Variants in GTF2I observed in about 807,000 individuals in gnomAD.
GTF2I encodes general transcription factor IIi.
In GTF2I, 12 loss-of-function variants were observed where a neutral mutation model predicts 67.6. The ratio of observed to expected loss-of-function variants is 0.18; its 90% CI spans 0.11 to 0.29. The LOEUF (loss-of-function observed/expected upper bound fraction) is 0.29, where lower values mean the gene tolerates loss of function less well. GTF2I is among the 10% of genes least tolerant of loss of function. The pLI is 1.00. For missense variants in GTF2I, 271 were observed against 580.1 expected (o/e 0.47, Z 5.47); for synonymous variants, 149 against 197.0 (o/e 0.76, Z 2.04).
chr7:74,685,287 C>G (rs1034767901), intron 1 of GTF2I, among the ~76,000 whole-genome samples: 1 of 152,144 alleles, frequency 6.6e-6, no homozygotes, highest in African/African-American at 2.4e-5. Context: ...CTTGAGGTCA[C>G]GAGTTCCAGA....
chr7:74,679,363 G>A (rs587723403), intron 1 of GTF2I, among the ~76,000 whole-genome samples: 10 of 151,580 alleles, frequency 6.6e-5, no homozygotes, highest in Admixed American at 3.3e-4. Flanking sequence ...GGCGTGAGCC[G>A]CTGCCATATT....
At chr7:74,684,024 T>C (rs1787484406) in intron 1 of GTF2I, among the ~76,000 whole-genome samples, 1 of 152,078 alleles carries the variant, frequency 6.6e-6, no homozygotes, top group Non-Finnish European at 1.5e-5. Flanking sequence ...GGTCATATCC[T>C]TGTGATTTGT....
In GTF2I at chr7:74,691,061, G is replaced by A. The variant is rs781967568; in HGVS notation, c.188G>A (p.Arg63His). The stretch of plus-strand genomic sequence containing the variant: ...TTTGTCGTCGGAACTGAAAGAGGAC[G>A]TGCTTTTGTCAATACCAGAAAGGAT... ...DVFVVGTERG[R>H]AFVNTRKDFQ... The change falls in exon 3 of 35, where the codon CGT (arginine) becomes CAT (histidine). Residue 63 changes from arginine to histidine, a missense_variant. Physicochemically the swap from Arg to His is conservative, Grantham distance 29. This residue lies in a region of GTF2I where 72 missense variants were observed against 87.4 expected (regional missense o/e 0.82). Coordinates refer to ENST00000573035, the MANE Select transcript of GTF2I (RefSeq NM_032999.4). 3 of 1,612,134 alleles carry A rather than the reference G, an allele frequency of 1.9e-6. No homozygotes were observed. The highest frequency in any genetic ancestry group is 1.1e-5 in the South Asian group (1 of 90,926).
chr7:74,664,682 C>G (rs113102123), intron 1 of GTF2I, among the ~76,000 whole-genome samples: 13 of 152,200 alleles, frequency 8.5e-5, no homozygotes, highest in African/African-American at 3.1e-4. Flanking sequence ...ATCCACCTGC[C>G]TCAGCCTCCC....
At chr7:74,680,099 A>AAAAAAAAAAAAAAAATATATAT in intron 1 of GTF2I, among the ~76,000 whole-genome samples, 1 of 94,998 alleles carries the variant, frequency 1.1e-5, no homozygotes, top group African/African-American at 4.0e-5. Flanking sequence ...AAAAAAAAAA[A>AAAAAAAAAAAAAAAATATATAT]ATATATATAT....
intron 11 of GTF2I, among the ~76,000 whole-genome samples, chr7:74,718,535 A>G (rs1792542851): frequency 6.6e-6 from 1 of 152,252 alleles, no homozygotes; most frequent in Non-Finnish European, 1.5e-5. Context: ...TAACCAAAGT[A>G]GAAAGCATTT....
At chr7:74,687,034 T>C (rs1320435484) in intron 1 of GTF2I, among the ~76,000 whole-genome samples, 2 of 151,802 alleles carry the variant, frequency 1.3e-5, no homozygotes, top group East Asian at 3.9e-4. Context: ...GAATTACAGA[T>C]GGTACACCAC....
chr7:74,734,485 G>A (rs587763428), intron 16 of GTF2I, among the ~76,000 whole-genome samples: 91 of 151,878 alleles, frequency 6.0e-4, no homozygotes, highest in African/African-American at 2.1e-3. Flanking sequence ...GCAGTGGTGC[G>A]ATCTCCGCTC....
At chr7:74,675,562 G>T (rs1006938705) in intron 1 of GTF2I, among the ~76,000 whole-genome samples, 35 of 151,906 alleles carry the variant, frequency 2.3e-4, no homozygotes, top group African/African-American at 8.0e-4. Flanking sequence ...TTTTTTGGGG[G>T]GGGCAGAAGG....
At chr7:74,676,040 A>G (rs1554392276) in intron 1 of GTF2I, among the ~76,000 whole-genome samples, 1 of 151,954 alleles carries the variant, frequency 6.6e-6, no homozygotes, top group South Asian at 2.1e-4. Context: ...AAACCAAATA[A>G]AAAGACAGAG....
At position 74,707,127 on chromosome 7, in the gene GTF2I, G is replaced by T. The variant is rs1790830097; in HGVS notation, c.685+694G>T. ...AGCCTTCCAAAGTCCTAGGATTACA[G>T]GCATAAGCCACCGTGCCCGGCCCCC... On this transcript the variant is annotated intron_variant, in intron 8 of 34. Coordinates refer to ENST00000573035, the MANE Select transcript of GTF2I (RefSeq NM_032999.4). Among the ~76,000 whole-genome samples the T allele has an allele frequency of 2.0e-5, 3 of 152,358 alleles. No individual in the cohort carries two copies. In the South Asian group the frequency reaches 6.2e-4, roughly 32 times the overall value.
intron 1 of GTF2I, among the ~76,000 whole-genome samples, chr7:74,685,928 C>T (rs764580141): frequency 6.6e-6 from 1 of 152,136 alleles, no homozygotes; most frequent in African/African-American, 2.4e-5. Context: ...TGGCGGGCGC[C>T]TGTAGTCCCA....
intron 1 of GTF2I, among the ~76,000 whole-genome samples, chr7:74,680,099 A>AAAAAAAAAAAAAAAATAT: frequency 1.1e-5 from 1 of 94,986 alleles, no homozygotes; most frequent in Non-Finnish European, 2.1e-5. Context: ...AAAAAAAAAA[A>AAAAAAAAAAAAAAAATAT]ATATATATAT....
intron 1 of GTF2I, among the ~76,000 whole-genome samples, chr7:74,665,180 G>A (rs181310475): frequency 5.9e-5 from 9 of 151,996 alleles, no homozygotes; most frequent in Non-Finnish European, 1.2e-4. Flanking sequence ...GACCTCAGGT[G>A]ATCCACCCGC....
chr7:74,675,577 T>C (rs373813980), intron 1 of GTF2I, among the ~76,000 whole-genome samples: 15 of 152,136 alleles, frequency 9.9e-5, no homozygotes, highest in African/African-American at 3.6e-4. Context: ...AGAAGGTCAG[T>C]TCATAGACTT....
chr7:74,661,002 T>C (rs894118373), intron 1 of GTF2I, among the ~76,000 whole-genome samples: 25 of 152,200 alleles, frequency 1.6e-4, no homozygotes, highest in African/African-American at 6.0e-4. Context: ...GGATGTACAG[T>C]ATTTTTCTTA....
chr7:74,715,157 C>A (rs1792104249), intron 10 of GTF2I, among the ~76,000 whole-genome samples: 1 of 151,846 alleles, frequency 6.6e-6, no homozygotes, highest in Admixed American at 6.6e-5. Context: ...GACACACTTT[C>A]CTATTGAAGG....
At chr7:74,673,290 T>C (rs1002889569) in intron 1 of GTF2I, among the ~76,000 whole-genome samples, 2 of 152,228 alleles carry the variant, frequency 1.3e-5, no homozygotes, top group African/African-American at 2.4e-5. Context: ...CTGAAAAATA[T>C]AGTAAGGGAC....
At chr7:74,690,398 C>T (rs797024203) in intron 2 of GTF2I, among the ~76,000 whole-genome samples, 11 of 152,198 alleles carry the variant, frequency 7.2e-5, no homozygotes, top group East Asian at 3.9e-4. Flanking sequence ...TATTTAATCT[C>T]GTAGAAATAT....
Sources: allele counts gnomAD v4.1 joint callset (sites outside exome capture counted in the v4.1 genomes callset), GRCh38; gene constraint gnomAD v4.1.1; regional missense constraint gnomAD v4.1.1; transcripts MANE v1.5; gene names NCBI Gene and HGNC (gene_info 2026-07-23, HGNC 2026-07-21).